The following PDE4B variants were observed in gnomAD, a reference collection of about 807,000 sequenced individuals.
The protein encoded by PDE4B is 3',5'-cyclic-AMP phosphodiesterase 4B.
In PDE4B, 20 loss-of-function variants were observed where a neutral mutation model predicts 82.2. The ratio of observed to expected loss-of-function variants is 0.24; its 90% CI spans 0.17 to 0.35. PDE4B has a LOEUF of 0.35. Among genes scored for constraint, PDE4B ranks in the 10% least tolerant of loss-of-function variants. The pLI is 1.00. For missense variants in PDE4B, 655 were observed against 907.2 expected, an observed-to-expected ratio of 0.72 and a Z score of 3.57; for synonymous variants, 320 against 318.9, an observed-to-expected ratio of 1.00 and a Z score of -0.04.
chr1:65,849,593 C>T (rs569617666), intron 1 of PDE4B, among the ~76,000 whole-genome samples: 32 of 152,014 alleles, frequency 2.1e-4, no homozygotes, highest in African/African-American at 6.3e-4. Flanking sequence ...TCTATGGGCC[C>T]GGGAGGAAGC....
chr1:65,846,558 A>T (rs749173977), intron 1 of PDE4B, among the ~76,000 whole-genome samples: 1 of 152,130 alleles, frequency 6.6e-6, no homozygotes, highest in African/African-American at 2.4e-5. Context: ...GCTTTGAGTT[A>T]ATTTAATTTA....
chr1:66,176,995 T>G (rs542705853), intron 3 of PDE4B, among the ~76,000 whole-genome samples: 35 of 152,282 alleles, frequency 2.3e-4, no homozygotes, highest in Non-Finnish European at 4.3e-4. Context: ...TATCTGCCAA[T>G]AAGAAGACAA....
rs554168652 is a variant in PDE4B, at chr1:65,854,841, C to T, written c.-70-58404C>T. On this transcript the variant is annotated intron_variant, in intron 1 of 16. Coordinates refer to ENST00000341517, the MANE Select transcript of PDE4B (RefSeq NM_002600.4). The stretch of plus-strand genomic sequence containing the variant: ...AACTCCATACCTCCTAGTTAGACCT[C>T]TTAGTTTTATGCTTCAGGTCATTGA... 6.6e-5 allele frequency among the ~76,000 whole-genome samples: 10 copies of T among 151,990 alleles called. No individual in the cohort carries two copies. In the South Asian group the frequency reaches 2.1e-3, roughly 32 times the overall value.
intron 1 of PDE4B, among the ~76,000 whole-genome samples, chr1:65,801,275 C>T (rs1224494776): frequency 1.1e-4 from 17 of 152,156 alleles, no homozygotes; most frequent in Admixed American, 1.1e-3. Flanking sequence ...GATGTATCAG[C>T]CCTGCACTGC....
chr1:66,295,822 T>G (rs1657470655), intron 7 of PDE4B, among the ~76,000 whole-genome samples: 1 of 152,186 alleles, frequency 6.6e-6, no homozygotes, highest in Non-Finnish European at 1.5e-5. Context: ...TTCCAGTTTC[T>G]GTCCTCTCTG....
chr1:66,176,551 A>G (rs1646935573), intron 3 of PDE4B, among the ~76,000 whole-genome samples: 2 of 152,260 alleles, frequency 1.3e-5, no homozygotes, highest in Non-Finnish European at 2.9e-5. Flanking sequence ...AGTGCAGATT[A>G]TAGCACAGAT....
chr1:66,041,651 A>G (rs1654378448), intron 3 of PDE4B, among the ~76,000 whole-genome samples: 1 of 151,904 alleles, frequency 6.6e-6, no homozygotes, highest in South Asian at 2.1e-4. Flanking sequence ...GAAGTCAAAG[A>G]TAGCTGTCTC....
intron 3 of PDE4B, among the ~76,000 whole-genome samples, chr1:65,984,327 A>G (rs1650843197): frequency 6.6e-6 from 1 of 152,206 alleles, no homozygotes; most frequent in Non-Finnish European, 1.5e-5. Flanking sequence ...TAGTGGTGGC[A>G]GGAAGGATGT....
chr1:66,225,880 G>A (rs1430916624), intron 3 of PDE4B, among the ~76,000 whole-genome samples: 1 of 152,178 alleles, frequency 6.6e-6, no homozygotes, highest in Non-Finnish European at 1.5e-5. Flanking sequence ...CACATTCATT[G>A]TATGTGTCAT....
intron 3 of PDE4B, among the ~76,000 whole-genome samples, chr1:65,963,369 C>T (rs961880792): frequency 1.3e-5 from 2 of 152,174 alleles, no homozygotes; most frequent in Non-Finnish European, 1.5e-5. Context: ...CCCCAGCATG[C>T]CCAGCACAGC....
At chr1:66,251,835 G>T (rs1653810943) in intron 4 of PDE4B, among the ~76,000 whole-genome samples, 1 of 152,190 alleles carries the variant, frequency 6.6e-6, no homozygotes, top group Admixed American at 6.5e-5. Context: ...GGAAAAGTGA[G>T]CAGGAACCTC....
chr1:66,099,328 A>G (rs566787778), intron 3 of PDE4B, among the ~76,000 whole-genome samples: 3 of 152,148 alleles, frequency 2.0e-5, no homozygotes, highest in Non-Finnish European at 4.4e-5. Flanking sequence ...ATAGTACTCC[A>G]TGGTGTATAT....
rs550818368 is a variant in PDE4B at position 66,175,522 on chromosome 1, GA to G, written c.282-71937del. On this transcript the variant is annotated intron_variant, in intron 3 of 16. Transcript: ENST00000341517. ...ATATTATCTCTGACTGTTAGTCCCT[GA>G]TAGATACAGACAGCGGAAAACTTCA... Among the ~76,000 whole-genome samples the G allele has an allele frequency of 3.3e-5, 5 of 152,254 alleles. No homozygotes were observed. The South Asian group carries it at 8.3e-4, about 25-fold the overall frequency.
At chr1:65,830,513 T>C (rs1427138872) in intron 1 of PDE4B, among the ~76,000 whole-genome samples, 1 of 152,156 alleles carries the variant, frequency 6.6e-6, no homozygotes. Context: ...TAACCTCTGA[T>C]AAAATGAGAT....
At chr1:65,968,458 G>A (rs184347202) in intron 3 of PDE4B, among the ~76,000 whole-genome samples, 12 of 151,640 alleles carry the variant, frequency 7.9e-5, no homozygotes, top group African/African-American at 2.9e-4. Flanking sequence ...CCTTCCTCCA[G>A]TGAGAAAGTT....
intron 1 of PDE4B, among the ~76,000 whole-genome samples, chr1:65,832,331 T>C (rs1230217871): frequency 1.3e-5 from 2 of 152,160 alleles, no homozygotes; most frequent in African/African-American, 4.8e-5. Flanking sequence ...GAAATAACTT[T>C]TGGCTAAAGA....
intron 1 of PDE4B, among the ~76,000 whole-genome samples, chr1:65,827,744 G>A (rs1431038906): frequency 1.3e-5 from 2 of 152,078 alleles, no homozygotes; most frequent in Non-Finnish European, 2.9e-5. Context: ...AGAAATAATG[G>A]CTGAGAATTT....
chr1:65,901,775 A>T (rs927050266), intron 1 of PDE4B, among the ~76,000 whole-genome samples: 1 of 151,964 alleles, frequency 6.6e-6, no homozygotes, highest in African/African-American at 2.4e-5. Context: ...GGATGGATTT[A>T]TGAGTCTCAG....
chr1:65,825,913 A>G (rs1357873504), intron 1 of PDE4B, among the ~76,000 whole-genome samples: 1 of 151,912 alleles, frequency 6.6e-6, no homozygotes, highest in African/African-American at 2.4e-5. Flanking sequence ...GGCTGTGAAT[A>G]CTTTTACAGT....
Sources: gnomAD v4.1 joint callset for allele counts (sites outside exome capture counted in the v4.1 genomes callset) on GRCh38, gnomAD v4.1.1 for gene constraint, MANE v1.5 for transcripts, NCBI Gene and HGNC (gene_info 2026-07-23, HGNC 2026-07-21) for gene names.